SYNPR: variants seen among roughly 807,000 people sequenced by gnomAD.
The protein encoded by SYNPR is synaptoporin.
SYNPR carries 23 observed loss-of-function variants against 32.9 expected under a neutral mutation model. The ratio of observed to expected loss-of-function variants is 0.70; its 90% CI spans 0.50 to 0.99. The LOEUF (loss-of-function observed/expected upper bound fraction) is 0.99, where lower values mean the gene tolerates loss of function less well. Among genes scored for constraint, SYNPR ranks in the 50% least tolerant of loss-of-function variants. The probability of loss-of-function intolerance (pLI) is 0.00; values close to 1 mark genes in which losing one functional copy is unlikely to be tolerated. For synonymous variants in SYNPR, 146 were observed against 135.9 expected, an observed-to-expected ratio of 1.07 and a Z score of -0.52; for missense variants, 318 against 349.3, an observed-to-expected ratio of 0.91 and a Z score of 0.71.
At chr3:63,225,195 T>G (rs1560161474), upstream of SYNPR, among the ~76,000 whole-genome samples, 1 of 152,328 alleles carries the variant, frequency 6.6e-6, no homozygotes, top group Non-Finnish European at 1.5e-5. Flanking sequence ...AGGGACTTAA[T>G]GTATTCTATG....
At chr3:63,456,427 C>T (rs1056651922) in intron 2 of SYNPR, among the ~76,000 whole-genome samples, 1 of 152,032 alleles carries the variant, frequency 6.6e-6, no homozygotes, top group Non-Finnish European at 1.5e-5. Flanking sequence ...TGAAATTGGT[C>T]ATAAGGATAT....
At chr3:63,553,782 C>T (rs1347945701) in intron 3 of SYNPR, among the ~76,000 whole-genome samples, 2 of 152,116 alleles carry the variant, frequency 1.3e-5, no homozygotes, top group African/African-American at 2.4e-5. Context: ...AGTGCAATGG[C>T]GCGATCTCGG....
At chr3:63,552,100 G>A (rs1350519560) in intron 3 of SYNPR, among the ~76,000 whole-genome samples, 1 of 151,994 alleles carries the variant, frequency 6.6e-6, no homozygotes, top group Admixed American at 6.6e-5. Context: ...GTTTCACCAT[G>A]TTGGTCAGGC....
At chr3:63,378,031 A>G (rs1438961085) in intron 2 of SYNPR, among the ~76,000 whole-genome samples, 6 of 151,958 alleles carry the variant, frequency 3.9e-5, no homozygotes, top group African/African-American at 1.4e-4. Flanking sequence ...AACTTTAGAA[A>G]GAAAATTGTA....
chr3:63,550,638 A>G (rs1433858848), intron 3 of SYNPR, among the ~76,000 whole-genome samples: 1 of 152,188 alleles, frequency 6.6e-6, no homozygotes, highest in Non-Finnish European at 1.5e-5. Context: ...ACCACACACA[A>G]AGATTGCAGA....
chr3:63,418,485 C>T (rs568676571), intron 2 of SYNPR, among the ~76,000 whole-genome samples: 7 of 152,150 alleles, frequency 4.6e-5, no homozygotes, highest in Non-Finnish European at 8.8e-5. Flanking sequence ...TTTACAGCAG[C>T]GCCCCTCTCT....
intron 4 of SYNPR, among the ~76,000 whole-genome samples, chr3:63,576,568 G>A (rs1290174225): frequency 6.6e-6 from 1 of 152,042 alleles, no homozygotes; most frequent in East Asian, 1.9e-4. Flanking sequence ...GAGGCAGGCG[G>A]ATCACGAGGT....
chr3:63,384,438 A>T (rs1242421096), intron 2 of SYNPR, among the ~76,000 whole-genome samples: 1 of 152,172 alleles, frequency 6.6e-6, no homozygotes, highest in African/African-American at 2.4e-5. Flanking sequence ...AAGTCTAGCT[A>T]TTTATGATAA....
intron 1 of SYNPR, among the ~76,000 whole-genome samples, chr3:63,236,699 G>A (rs1447522433): frequency 1.3e-5 from 2 of 152,054 alleles, no homozygotes; most frequent in Non-Finnish European, 2.9e-5. Context: ...TGTGATTTTT[G>A]TGTGTTAATC....
At chr3:63,540,958 C>CACACACACACACACACACAT (rs1702291443) in intron 3 of SYNPR, among the ~76,000 whole-genome samples, 1 of 148,598 alleles carries the variant, frequency 6.7e-6, no homozygotes, top group Non-Finnish European at 1.5e-5. Context: ...CACACACACA[C>CACACACACACACACACACAT]ACATATACAT....
chr3:63,275,147 A>T (rs1478739851), upstream of SYNPR, among the ~76,000 whole-genome samples: 1 of 152,204 alleles, frequency 6.6e-6, no homozygotes, highest in Non-Finnish European at 1.5e-5. Context: ...ATCTTTCATC[A>T]TCTTGGGGCA....
chr3:63,228,049 G>A (rs1340492287), upstream of SYNPR, among the ~76,000 whole-genome samples: 1 of 152,210 alleles, frequency 6.6e-6, no homozygotes, highest in Admixed American at 6.5e-5. Flanking sequence ...TTTTAAGGAA[G>A]AGGGTGATTT....
rs191057726 is a variant in SYNPR at position 63,376,615 on chromosome 3, G to A, written c.84+97873G>A. The stretch of plus-strand genomic sequence containing the variant: ...CACCCACCTCTCCCAAGATATTCAC[G>A]TGATTGTGAATCATTCTTTCACAGA... On this transcript the variant is annotated intron_variant, in intron 2 of 5. Transcript: ENST00000478300. 2.5e-4 allele frequency among the ~76,000 whole-genome samples: 38 copies of A among 152,122 alleles called. 2 individuals carry two copies. In the South Asian group the frequency reaches 7.7e-3, roughly 31 times the overall value.
At chr3:63,532,136 A>G (rs1289742818) in intron 3 of SYNPR, among the ~76,000 whole-genome samples, 1 of 152,194 alleles carries the variant, frequency 6.6e-6, no homozygotes. Context: ...TTGTAGGCAA[A>G]TGGAAAGGAG....
intron 3 of SYNPR, among the ~76,000 whole-genome samples, chr3:63,525,651 T>C (rs1345315892): frequency 6.6e-6 from 1 of 152,198 alleles, no homozygotes; most frequent in Admixed American, 6.5e-5. Context: ...ATTTCTACGA[T>C]GTGCTAGGCA....
intron 3 of SYNPR, among the ~76,000 whole-genome samples, chr3:63,270,081 G>T (rs939024231): frequency 1.3e-5 from 2 of 152,164 alleles, no homozygotes; most frequent in Non-Finnish European, 2.9e-5. Flanking sequence ...ACTAAAGAAG[G>T]TAGAAATCTG....
chr3:63,497,187 A>G (rs1701389170), intron 3 of SYNPR, among the ~76,000 whole-genome samples: 1 of 152,208 alleles, frequency 6.6e-6, no homozygotes, highest in Non-Finnish European at 1.5e-5. Flanking sequence ...CCAAATTAAC[A>G]AATTAATATT....
chr3:63,312,931 C>T (rs985935121), intron 2 of SYNPR, among the ~76,000 whole-genome samples: 1 of 151,954 alleles, frequency 6.6e-6, no homozygotes, highest in Non-Finnish European at 1.5e-5. Flanking sequence ...CCTCCCTTTA[C>T]AACTGCTTCT....
At chr3:63,219,910 A>T in the SYNPR span, among the ~76,000 whole-genome samples, 2 of 152,142 alleles carry the variant, frequency 1.3e-5, no homozygotes, top group African/African-American at 4.8e-5. Context: ...TTTTATTGCA[A>T]AACATCTGCA....
Sources: allele counts gnomAD v4.1 joint callset (sites outside exome capture counted in the v4.1 genomes callset), GRCh38; gene constraint gnomAD v4.1.1; transcripts MANE v1.5; gene names NCBI Gene and HGNC (gene_info 2026-07-23, HGNC 2026-07-21).